SGSM3: variants seen among roughly 807,000 people sequenced by gnomAD.
The protein encoded by SGSM3 is small G protein signaling modulator 3, also known as RUN and SH3 containing 3.
A neutral mutation model predicts 100.5 loss-of-function variants in SGSM3; 96 were observed. That is an observed-to-expected ratio of 0.96 (90% confidence interval 0.81 to 1.13). SGSM3 has a LOEUF of 1.13. Ranked by LOEUF, SGSM3 falls within the 50% of genes most tolerant of loss-of-function variation. The probability of loss-of-function intolerance (pLI) is 0.00; values close to 1 mark genes in which losing one functional copy is unlikely to be tolerated. For synonymous variants in SGSM3, 483 were observed against 422.8 expected (o/e 1.14, Z -1.75); for missense variants, 1,001 against 1,015.8 (o/e 0.99, Z 0.20).
At chr22:40,400,922 G>A (rs1464308846) in intron 2 of SGSM3, 109 bp downstream of exon 2, 3 of 1,074,758 alleles carry the variant, frequency 2.8e-6, no homozygotes, top group Non-Finnish European at 2.6e-6. Context: ...TAAGAGAGGT[G>A]GAGATGGTAG....
intron 10 of SGSM3, 163 bp from the exon 11 acceptor site, chr22:40,406,854 C>T: frequency 1.1e-6 from 1 of 900,800 alleles, no homozygotes; most frequent in Non-Finnish European, 1.7e-6. Context: ...GGTTCTGATC[C>T]TGGCACGGTT....
At chr22:40,405,357 C>T (rs922394588) in intron 7 of SGSM3, 73 bp downstream of exon 7, 121 of 1,349,742 alleles carry the variant, frequency 9.0e-5, no homozygotes, top group South Asian at 2.0e-4. Flanking sequence ...AGTGGCCTCC[C>T]GCTACGGGGC....
chr22:40,380,609 A>G (rs1303525440), intron 1 of SGSM3, among the ~76,000 whole-genome samples: 1 of 152,092 alleles, frequency 6.6e-6, no homozygotes, highest in Non-Finnish European at 1.5e-5. Flanking sequence ...TCAAGTGATC[A>G]TTACAGGCGT....
Position 40,400,786 on chromosome 22 carries a change from A to T in SGSM3, c.-21A>T. 6.4e-7 allele frequency: 1 copy of T among 1,550,862 alleles called. No individual in the cohort carries two copies. The highest frequency in any genetic ancestry group is 8.7e-7 in the Non-Finnish European group (1 of 1,146,622). On this transcript the variant is annotated 5_prime_UTR_variant, in exon 2 of 22. Transcript: ENST00000248929. ...ACTTCTAAGATTGGAGCTGCAGAAG[A>T]CTTGCCAGCCCACCAGCACAATGTC... is the stretch of plus-strand genomic sequence containing the variant.
intron 2 of SGSM3, among the ~76,000 whole-genome samples, chr22:40,401,039 G>A (rs1257661184): frequency 6.6e-6 from 1 of 152,174 alleles, no homozygotes; most frequent in African/African-American, 2.4e-5. Flanking sequence ...GTCCTCAGGT[G>A]GAGAAAGAGG....
chr22:40,375,003 A>G (rs1233519486), intron 1 of SGSM3, among the ~76,000 whole-genome samples: 2 of 152,202 alleles, frequency 1.3e-5, no homozygotes, highest in African/African-American at 4.8e-5. Context: ...TGCTACATAT[A>G]TAATCACCTC....
At chr22:40,395,167 A>C (rs1336776349) in intron 1 of SGSM3, among the ~76,000 whole-genome samples, 2 of 152,160 alleles carry the variant, frequency 1.3e-5, no homozygotes, top group African/African-American at 4.8e-5. Context: ...TAGTAGTTGC[A>C]AAAAATTTTT....
rs2051761203 is a variant in SGSM3, at chr22:40,407,523, G to A, written c.1479G>A (p.Arg493=). The A allele has an allele frequency of 6.2e-7, 1 of 1,607,748 alleles. No homozygotes were observed. Among genetic ancestry groups the A allele is most frequent in the South Asian group, 1.1e-5 (1 of 91,070 alleles). The change falls in exon 13 of 22, where the codon CGG becomes CGA. Residue 493 remains arginine, a synonymous_variant. Coordinates refer to ENST00000248929, the MANE Select transcript of SGSM3 (RefSeq NM_015705.6). The surrounding 1 kb of genome is among the most constrained non-coding windows in gnomAD (Gnocchi z 4.7). ...CCAAGGCCCTGCTGGACTTTGAGCG[G>A]CACGACGACGACGAGCTGGGCTTCC... ...RRAKALLDFE[R]HDDDELGFRK... is the part of the protein sequence containing the mutation.
rs556156320 is a variant in SGSM3 at position 40,408,668 on chromosome 22, T to C, written c.1824T>C (p.Tyr608=). 9 of 1,614,026 alleles carry C rather than the reference T, an allele frequency of 5.6e-6. No homozygotes were observed. Among genetic ancestry groups the C allele is most frequent in the African/African-American group, 2.7e-5 (2 of 75,048 alleles). ...REVERDFASV[Y]SRLVLCKTFR... Reference sequence around the variant, plus strand: ...TCGAGAGAGACTTTGCCTCCGTGTATTCCCGTCTGGTGCTCTGTAAGACCT... The same window carrying C: ...TCGAGAGAGACTTTGCCTCCGTGTACTCCCGTCTGGTGCTCTGTAAGACCT... Residue 608 remains tyrosine (Y), a synonymous_variant, in exon 17 of 22, where the codon TAT becomes TAC. Transcript: ENST00000248929.
intron 4 of SGSM3, among the ~76,000 whole-genome samples, chr22:40,403,535 A>G (rs1211563118): frequency 6.6e-6 from 1 of 152,224 alleles, no homozygotes; most frequent in Non-Finnish European, 1.5e-5. Context: ...ACTTCCAGGG[A>G]TAGAGAAGAG....
At chr22:40,406,360 A>T in intron 9 of SGSM3, 78 bp from the exon 10 acceptor site, 1 of 1,496,362 alleles carries the variant, frequency 6.7e-7, no homozygotes, top group South Asian at 1.3e-5. Context: ...GTCCCTGAGG[A>T]TGGGGGTTGG....
intron 9 of SGSM3, 101 bp downstream of exon 9, chr22:40,406,324 CCT>C (rs2051511198): frequency 1.3e-6 from 2 of 1,540,820 alleles, no homozygotes; most frequent in Non-Finnish European, 1.8e-6. Flanking sequence ...CCCCCTGGCC[CCT>C]GACAACTGTG....
intron 1 of SGSM3, among the ~76,000 whole-genome samples, chr22:40,372,378 G>T (rs1004241125): frequency 8.6e-5 from 13 of 151,990 alleles, no homozygotes; most frequent in Non-Finnish European, 1.3e-4. Context: ...GCCCGCCTCG[G>T]CCTCCCAAAG....
chr22:40,407,573 G>A lies in SGSM3; in HGVS notation c.1524+5G>A, dbSNP rs756059664. ...CGCAAGAACGACATCATCACAGTGC[G>A]TGGGGGCGCTGGACTACCAGGTCCT... On this transcript the variant is annotated splice_donor_5th_base_variant and intron_variant, in intron 13 of 21. Transcript: ENST00000248929. The surrounding 1 kb of genome is among the most constrained non-coding windows in gnomAD (Gnocchi z 4.7). 14 of 1,601,470 alleles carry A rather than the reference G, an allele frequency of 8.7e-6. No homozygotes were observed. Among genetic ancestry groups the A allele is most frequent in the Admixed American group, 5.0e-5 (3 of 59,946 alleles).
chr22:40,376,802 A>G (rs2046704893), intron 1 of SGSM3, among the ~76,000 whole-genome samples: 1 of 152,156 alleles, frequency 6.6e-6, no homozygotes, highest in Non-Finnish European at 1.5e-5. Context: ...AATTTAGCAT[A>G]TAATCAAGAA....
chr22:40,405,294 GC>G lies in SGSM3; in HGVS notation c.618+14del. ...CCAGGGCACCGGCATGGTGAGCACA[GC>G]CCCAGAAAGGGCAGTGGCAGCCCCA... is the stretch of plus-strand genomic sequence containing the variant. On this transcript the variant is annotated intron_variant, in intron 7 of 21. Transcript: ENST00000248929. The G allele has an allele frequency of 6.7e-7, 1 of 1,489,156 alleles. No individual in the cohort carries two copies. 92.2% of individuals were successfully genotyped at this position (1,489,156 alleles called of 1,614,324 possible).
At position 40,404,370 on chromosome 22, in the gene SGSM3, G is replaced by T; in HGVS notation, c.281G>T (p.Trp94Leu). The T allele has an allele frequency of 6.2e-7, 1 of 1,607,958 alleles. No individual in the cohort carries two copies. The highest frequency in any genetic ancestry group is 1.7e-4 in the Middle Eastern group (1 of 6,032). ...AACCACGATGTGGGGGATCTCACCTGGGACAAGATTGCCGTCTCCCTACCC... is the reference window on the plus strand; with the variant it reads ...AACCACGATGTGGGGGATCTCACCTTGGACAAGATTGCCGTCTCCCTACCC... ...THNHDVGDLT[W>L]DKIAVSLPRS... Residue 94 changes from tryptophan to leucine, a missense_variant, in exon 5 of 22, where the codon TGG becomes TTG. Transcript: ENST00000248929.
chr22:40,397,968 CTTTTTTTT>C (rs1157147821), intron 1 of SGSM3, among the ~76,000 whole-genome samples: 1 of 116,436 alleles, frequency 8.6e-6, no homozygotes, highest in East Asian at 2.4e-4. Context: ...CCAATTCTGT[CTTTTTTTT>C]TTTTTTTTTT....
At chr22:40,374,998 C>T (rs1334741435) in intron 1 of SGSM3, among the ~76,000 whole-genome samples, 2 of 152,198 alleles carry the variant, frequency 1.3e-5, no homozygotes, top group African/African-American at 4.8e-5. Flanking sequence ...TTGAATGCTA[C>T]ATATATAATC....
Sources: allele counts gnomAD v4.1 joint callset (sites outside exome capture counted in the v4.1 genomes callset), GRCh38; gene constraint gnomAD v4.1.1; non-coding constraint Gnocchi (gnomAD v3.1); transcripts MANE v1.5; gene names NCBI Gene and HGNC (gene_info 2026-07-23, HGNC 2026-07-21).